SLC3A1: variants seen among roughly 807,000 people sequenced by gnomAD.
The protein encoded by SLC3A1 is solute carrier family 3 member 1.
SLC3A1 carries 78 observed loss-of-function variants against 60.3 expected under a neutral mutation model. That is an observed-to-expected ratio of 1.29 (90% confidence interval 1.08 to 1.56). The LOEUF (loss-of-function observed/expected upper bound fraction) is 1.56. Among genes scored for constraint, SLC3A1 ranks in the 40% most tolerant of loss-of-function variants. The probability of loss-of-function intolerance (pLI) is 0.00; values close to 1 mark genes in which losing one functional copy is unlikely to be tolerated. For missense variants in SLC3A1, 1,172 were observed against 858.9 expected, an observed-to-expected ratio of 1.36 and a Z score of -4.56; for synonymous variants, 392 against 307.9, an observed-to-expected ratio of 1.27 and a Z score of -2.86.
intron 4 of SLC3A1, among the ~76,000 whole-genome samples, chr2:44,296,401 T>C (rs1671845109): frequency 6.6e-6 from 1 of 152,150 alleles, no homozygotes; most frequent in South Asian, 2.1e-4. Flanking sequence ...ACACTAGGAG[T>C]TCAAATACTT....
At chr2:44,312,808 T>TTTTA in intron 8 of SLC3A1, 55 bp downstream of exon 8, 1 of 1,498,096 alleles carries the variant, frequency 6.7e-7, no homozygotes. Context: ...AGTATTCATT[T>TTTTA]TTTATTTTTT....
chr2:44,279,106 C>T (rs1003129690), intron 1 of SLC3A1, among the ~76,000 whole-genome samples: 1 of 151,838 alleles, frequency 6.6e-6, no homozygotes, highest in African/African-American at 2.4e-5. Context: ...TCAAGCAATT[C>T]TCCTGCCTCA....
Position 44,320,096 on chromosome 2 carries a change from G to T in SLC3A1, c.1618-103G>T. ...TTTGGCAATTATAAGGGGCAAAATT[G>T]GAGCAAGTGTTTTGGGTAAATAACT... On this transcript the variant is annotated intron_variant, in intron 9 of 9. Coordinates refer to ENST00000260649, the MANE Select transcript of SLC3A1 (RefSeq NM_000341.4). 3 of 1,013,972 alleles carry T rather than the reference G, an allele frequency of 3.0e-6. No individual in the cohort carries two copies. The Admixed American group carries it at 7.4e-5, about 25-fold the overall frequency. The allele number at this position is 1,013,972 out of a possible 1,614,324, so 62.8% of individuals were successfully genotyped here. A position where few individuals can be genotyped will look rare whatever the true frequency, so the allele number is the denominator to read the frequency against.
intron 7 of SLC3A1, among the ~76,000 whole-genome samples, chr2:44,308,708 T>C (rs1332002253): frequency 2.6e-5 from 4 of 152,132 alleles, no homozygotes; most frequent in Admixed American, 2.0e-4. Flanking sequence ...TCGTTTCTAA[T>C]AGTTTATTGT....
chr2:44,292,195 G>A (rs1289331749), intron 4 of SLC3A1, among the ~76,000 whole-genome samples: 1 of 152,112 alleles, frequency 6.6e-6, no homozygotes, highest in Admixed American at 6.5e-5. Flanking sequence ...ATATGGGAAT[G>A]CTGAGCCCCA....
At chr2:44,318,497 C>T (rs1672626542) in intron 9 of SLC3A1, 1 of 167,060 alleles carries the variant, frequency 6.0e-6, no homozygotes, top group Non-Finnish European at 1.3e-5. Context: ...TTAAAAATGA[C>T]AGTTCTATAT....
chr2:44,321,412 G>C lies in SLC3A1; in HGVS notation c.*773G>C, dbSNP rs780486089. ...AAAACACTGGTGCTGTCAAGTCCAA[G>C]TTCCTCGTACAGGAATTTAATTTGG... On this transcript the variant is annotated 3_prime_UTR_variant, in exon 10 of 10. Coordinates refer to ENST00000260649, the MANE Select transcript of SLC3A1 (RefSeq NM_000341.4). 4 of 1,613,074 alleles carry C rather than the reference G, an allele frequency of 2.5e-6. No homozygotes were observed. Among genetic ancestry groups the C allele is most frequent in the Non-Finnish European group, 3.4e-6 (4 of 1,179,282 alleles).
rs775832166 is a variant in SLC3A1 at position 44,320,418 on chromosome 2, G to T, written c.1837G>T (p.Gly613Cys). Residue 613 changes from glycine (G) to cysteine (C), a missense_variant, in exon 10 of 10, where the codon GGC (glycine) becomes TGC (cysteine). Physicochemically the swap from Gly to Cys is radical, Grantham distance 159. Coordinates refer to ENST00000260649, the MANE Select transcript of SLC3A1 (RefSeq NM_000341.4). ...TLLNLHNMIS[G>C]LPAKMRIRLS... ...GTTAAATCTACATAATATGATTTCG[G>T]GCCTTCCCGCTAAAATGAGAATAAG... 1 of 1,614,022 alleles carries T rather than the reference G, an allele frequency of 6.2e-7. No individual in the cohort carries two copies. Among genetic ancestry groups the T allele is most frequent in the African/African-American group, 1.3e-5 (1 of 75,034 alleles).
At chr2:44,313,127 G>A (rs1378450126) in intron 8 of SLC3A1, among the ~76,000 whole-genome samples, 1 of 152,076 alleles carries the variant, frequency 6.6e-6, no homozygotes, top group African/African-American at 2.4e-5. Flanking sequence ...TTGAAATGTG[G>A]AGTTAGGAAC....
In SLC3A1 at chr2:44,295,602, A is replaced by C. The variant is rs571052256; in HGVS notation, c.892-4369A>C. Among the ~76,000 whole-genome samples the C allele has an allele frequency of 3.1e-3, 475 of 152,332 alleles. 2 individuals are homozygous for C. Among genetic ancestry groups the C allele is most frequent in the African/African-American group, 0.011 (459 of 41,578 alleles). On this transcript the variant is annotated intron_variant, in intron 4 of 9. Coordinates refer to ENST00000260649, the MANE Select transcript of SLC3A1 (RefSeq NM_000341.4). ...TTCAGAAAATGTCCATCAAGCTTTT[A>C]CTGTTTTGTCTCATTAAACAATGAT...
At chr2:44,292,189 G>A (rs925875290) in intron 4 of SLC3A1, among the ~76,000 whole-genome samples, 5 of 152,060 alleles carry the variant, frequency 3.3e-5, no homozygotes, top group African/African-American at 1.2e-4. Flanking sequence ...CCTGCCATAT[G>A]GGAATGCTGA....
chr2:44,306,496 C>T (rs1340100105), intron 7 of SLC3A1, among the ~76,000 whole-genome samples: 1 of 149,864 alleles, frequency 6.7e-6, no homozygotes, highest in African/African-American at 2.4e-5. Context: ...AGTATTAAAA[C>T]TATACAATTT....
chr2:44,281,580 G>T, intron 3 of SLC3A1, 39 bp downstream of exon 3: 1 of 1,597,256 alleles, frequency 6.3e-7, no homozygotes. Flanking sequence ...GGGGTAAAAG[G>T]CAGATATGTA....
At position 44,287,132 on chromosome 2, in the gene SLC3A1, C is replaced by G. The variant is rs115188944; in HGVS notation, c.891+975C>G. Reference sequence around the variant, plus strand: ...GGAATGCAGCAGTGAATAAAAGAAGCCTTACCCTCAAGGAGTCTCCAATAT... The same window carrying G: ...GGAATGCAGCAGTGAATAAAAGAAGGCTTACCCTCAAGGAGTCTCCAATAT... On this transcript the variant is annotated intron_variant, in intron 4 of 9. Coordinates refer to ENST00000260649, the MANE Select transcript of SLC3A1 (RefSeq NM_000341.4). Among the ~76,000 whole-genome samples, 1,021 of 152,192 alleles carry G rather than the reference C, an allele frequency of 6.7e-3. 16 individuals carry two copies. Among genetic ancestry groups the G allele is most frequent in the African/African-American group, 0.023 (956 of 41,512 alleles).
At position 44,275,841 on chromosome 2, in the gene SLC3A1, G is replaced by C. The variant is rs746766731; in HGVS notation, c.306G>C (p.Ala102=). 3 of 1,614,082 alleles carry C rather than the reference G, an allele frequency of 1.9e-6. No individual in the cohort carries two copies. The highest frequency in any genetic ancestry group is 2.5e-6 in the Non-Finnish European group (3 of 1,180,052). ...TGGCTTCTGTGCTGGTGCTCATCGC[G>C]GCCACCATAGCCATCATTGCCCTCT... ...LTVASVLVLI[A]ATIAIIALSP... The change falls in exon 1 of 10, where the codon GCG becomes GCC. Residue 102 remains alanine (A), a synonymous_variant. Coordinates refer to ENST00000260649, the MANE Select transcript of SLC3A1 (RefSeq NM_000341.4).
chr2:44,301,312 C>G (rs1358445936), intron 6 of SLC3A1, 185 bp downstream of exon 6: 1 of 740,420 alleles, frequency 1.4e-6, no homozygotes, highest in Non-Finnish European at 2.3e-6. Context: ...ATTTTGCTGA[C>G]TTTCAGTTTC....
intron 4 of SLC3A1, among the ~76,000 whole-genome samples, chr2:44,296,703 G>A (rs1171076302): frequency 6.6e-6 from 1 of 152,190 alleles, no homozygotes; most frequent in Non-Finnish European, 1.5e-5. Context: ...CGTGCAGATA[G>A]AAACGCACTT....
chr2:44,291,587 C>T (rs903920889), intron 4 of SLC3A1, among the ~76,000 whole-genome samples: 1 of 152,144 alleles, frequency 6.6e-6, no homozygotes, highest in Non-Finnish European at 1.5e-5. Context: ...AGAGGAAAGC[C>T]TCTTTGCTCC....
chr2:44,301,351 T>G, intron 6 of SLC3A1: 1 of 630,846 alleles, frequency 1.6e-6, no homozygotes, highest in East Asian at 2.7e-5. Flanking sequence ...CAGATCACAC[T>G]ACGTACTTCA....
Sources: allele counts gnomAD v4.1 joint callset (sites outside exome capture counted in the v4.1 genomes callset), GRCh38; gene constraint gnomAD v4.1.1; transcripts MANE v1.5; gene names NCBI Gene and HGNC (gene_info 2026-07-23, HGNC 2026-07-21).